Variants in CREB3L2 observed in about 807,000 individuals in gnomAD.
CREB3L2 encodes cyclic AMP-responsive element-binding protein 3-like protein 2.
In CREB3L2, 23 loss-of-function variants were observed where a neutral mutation model predicts 57.2. That is an observed-to-expected ratio of 0.40 (90% CI 0.29 to 0.57). The LOEUF is 0.57. CREB3L2 is among the 20% of genes least tolerant of loss of function. CREB3L2 has a pLI of 0.42. For missense variants in CREB3L2, 628 were observed against 634.7 expected (o/e 0.99, Z 0.11); for synonymous variants, 268 against 265.1 (o/e 1.01, Z -0.11).
chr7:137,918,798 T>A (rs947642140), intron 2 of CREB3L2, among the ~76,000 whole-genome samples: 3 of 152,142 alleles, frequency 2.0e-5, no homozygotes, highest in Non-Finnish European at 4.4e-5. Flanking sequence ...ATAGAATCAG[T>A]TATTCCAATC....
chr7:137,924,081 G>T (rs574361657), intron 2 of CREB3L2, among the ~76,000 whole-genome samples: 2 of 152,120 alleles, frequency 1.3e-5, no homozygotes, highest in Non-Finnish European at 2.9e-5. Flanking sequence ...TAAGGTATCT[G>T]TAGTGAACCA....
At chr7:137,953,081 T>C (rs1278016298) in intron 1 of CREB3L2, among the ~76,000 whole-genome samples, 1 of 152,232 alleles carries the variant, frequency 6.6e-6, no homozygotes, top group Non-Finnish European at 1.5e-5. Flanking sequence ...CCTCCCAAAG[T>C]ATTGGGATGA....
chr7:137,977,894 C>G lies in CREB3L2; in HGVS notation c.102+23710G>C, dbSNP rs555834454. On this transcript the variant is annotated intron_variant, in intron 1 of 11. Transcript: ENST00000330387. ...CGAGATCATGCCACTGCACTCCAGC[C>G]TGGGCAAGAAAGTGAGACTAAGAAA... 3.4e-5 allele frequency among the ~76,000 whole-genome samples: 5 copies of G among 147,152 alleles called. No individual in the cohort carries two copies. The Admixed American group carries it at 3.4e-4, about 10-fold the overall frequency.
chr7:137,913,374 G>A (rs560550508), intron 3 of CREB3L2, among the ~76,000 whole-genome samples: 1 of 152,026 alleles, frequency 6.6e-6, no homozygotes, highest in East Asian at 1.9e-4. Context: ...AGTTGTGATG[G>A]CGTGCACCTG....
chr7:137,990,733 C>T (rs1229988432), intron 1 of CREB3L2, among the ~76,000 whole-genome samples: 2 of 152,194 alleles, frequency 1.3e-5, no homozygotes, highest in Non-Finnish European at 2.9e-5. Context: ...AATCCTATTT[C>T]CTCCAGGTTT....
At chr7:137,911,699 G>A (rs1311784069) in intron 4 of CREB3L2, among the ~76,000 whole-genome samples, 2 of 152,188 alleles carry the variant, frequency 1.3e-5, no homozygotes, top group Non-Finnish European at 2.9e-5. Flanking sequence ...TTAGCTGGGC[G>A]TGGTGGTGCA....
intron 1 of CREB3L2, among the ~76,000 whole-genome samples, chr7:137,997,092 T>C (rs2117335832): frequency 6.6e-6 from 1 of 152,298 alleles, no homozygotes; most frequent in South Asian, 2.1e-4. Flanking sequence ...CTGTTCTTCA[T>C]CCAACGCCTC....
rs200831736 is a variant in CREB3L2 at position 137,885,424 on chromosome 7, C to A, written c.1122G>T (p.Thr374=). The A allele has an allele frequency of 9.3e-6, 15 of 1,614,054 alleles. No homozygotes were observed. The highest frequency in any genetic ancestry group is 1.3e-5 in the Non-Finnish European group (15 of 1,179,936). The part of the protein sequence containing the change: ...KVSRTCKLAG[T]QTGTCLMVVV... ...TCACCATGAGGCAGGTGCCAGTCTG[C>A]GTGCCAGCTAACTTGCAGGTTCGAG... Residue 374 remains threonine, a synonymous_variant, in exon 9 of 12, where the codon ACG becomes ACT. Transcript: ENST00000330387.
chr7:137,904,861 G>C (rs1799850774), intron 6 of CREB3L2, among the ~76,000 whole-genome samples: 1 of 150,162 alleles, frequency 6.7e-6, no homozygotes, highest in South Asian at 2.1e-4. Flanking sequence ...AAGAAAGAAA[G>C]AAAAGAAAAG....
chr7:137,969,527 T>C (rs1049982179), intron 1 of CREB3L2, among the ~76,000 whole-genome samples: 11 of 151,568 alleles, frequency 7.3e-5, no homozygotes, highest in Admixed American at 1.3e-4. Flanking sequence ...TTTTTTTGTA[T>C]TTTTTAGTAG....
chr7:137,911,161 A>C (rs1049936870), intron 4 of CREB3L2, among the ~76,000 whole-genome samples: 2 of 152,230 alleles, frequency 1.3e-5, no homozygotes, highest in African/African-American at 2.4e-5. Flanking sequence ...GCAGTACATA[A>C]AGCTGAAAGG....
intron 1 of CREB3L2, among the ~76,000 whole-genome samples, chr7:137,973,440 G>A (rs1801553446): frequency 6.6e-6 from 1 of 152,164 alleles, no homozygotes; most frequent in African/African-American, 2.4e-5. Context: ...TGAACACAAT[G>A]GAGAGGCACA....
chr7:137,874,980 T>A lies in CREB3L2; in HGVS notation c.*5496A>T, dbSNP rs1799113248. 1 of 178,998 alleles carries A rather than the reference T, an allele frequency of 5.6e-6. No homozygotes were observed. Among genetic ancestry groups the A allele is most frequent in the Admixed American group, 6.3e-5 (1 of 15,862 alleles). 11.1% of individuals were successfully genotyped at this position (178,998 alleles called of 1,614,324 possible). ...AGATTATAAAGACTGGGCAACATCT[T>A]ACTATTTAAGAAAAAATATTTATTT... On this transcript the variant is annotated 3_prime_UTR_variant, in exon 12 of 12. Transcript: ENST00000330387.
intron 1 of CREB3L2, among the ~76,000 whole-genome samples, chr7:137,981,007 T>C (rs1270544033): frequency 6.6e-6 from 1 of 152,104 alleles, no homozygotes; most frequent in Non-Finnish European, 1.5e-5. Flanking sequence ...CCCTCCAGAA[T>C]GCCAAGATCT....
intron 3 of CREB3L2, among the ~76,000 whole-genome samples, chr7:137,915,275 T>C (rs1056226843): frequency 6.6e-6 from 1 of 152,148 alleles, no homozygotes; most frequent in Non-Finnish European, 1.5e-5. Flanking sequence ...TGATTTCTTA[T>C]GCTTTCCACG....
chr7:137,953,543 G>A (rs1021544218), intron 1 of CREB3L2: 1 of 1,287,988 alleles, frequency 7.8e-7, no homozygotes, highest in Non-Finnish European at 1.0e-6. Flanking sequence ...GTTTGCAGAG[G>A]AGGGGAGAGT....
At chr7:137,936,740 G>C (rs2882839) in intron 1 of CREB3L2, among the ~76,000 whole-genome samples, 1 of 152,110 alleles carries the variant, frequency 6.6e-6, no homozygotes, top group African/African-American at 2.4e-5. Flanking sequence ...CATGGATCCC[G>C]GGCTAAACCC....
chr7:137,911,541 T>C (rs192879015), intron 4 of CREB3L2, among the ~76,000 whole-genome samples: 70 of 152,392 alleles, frequency 4.6e-4, no homozygotes, highest in African/African-American at 1.6e-3. Context: ...AAATTTGTAC[T>C]GAAAGTATGA....
In CREB3L2 at chr7:137,896,692, G is replaced by A. The variant is rs142726689; in HGVS notation, c.1043+4662C>T. Among the ~76,000 whole-genome samples, 912 of 152,218 alleles carry A rather than the reference G, an allele frequency of 6.0e-3. 8 individuals carry two copies. Among genetic ancestry groups the A allele is most frequent in the African/African-American group, 0.02 (834 of 41,536 alleles). On this transcript the variant is annotated intron_variant, in intron 8 of 11. Transcript: ENST00000330387. Reference sequence around the variant, plus strand: ...TGCCAGCCATTACTACCATAAAAGCGTTATCCACGAGGAGAGGTGAGTCTT... The same window carrying A: ...TGCCAGCCATTACTACCATAAAAGCATTATCCACGAGGAGAGGTGAGTCTT...
Sources: gnomAD v4.1 joint callset for allele counts (sites outside exome capture counted in the v4.1 genomes callset) on GRCh38, gnomAD v4.1.1 for gene constraint, MANE v1.5 for transcripts, NCBI Gene and HGNC (gene_info 2026-07-23, HGNC 2026-07-21) for gene names.